Variants in NEGR1 observed in about 807,000 individuals in gnomAD.
NEGR1 encodes the protein IgLON family member 4.
A neutral mutation model predicts 40.9 loss-of-function variants in NEGR1; 10 were observed. The observed-to-expected ratio is 0.24, with a 90% CI of 0.15 to 0.42. NEGR1 has a LOEUF of 0.42. Among genes scored for constraint, NEGR1 ranks in the 10% least tolerant of loss-of-function variants. NEGR1 has a pLI of 1.00. For synonymous variants in NEGR1, 185 were observed against 166.8 expected (o/e 1.11, Z -0.84); for missense variants, 352 against 438.9 (o/e 0.80, Z 1.77).
chr1:71,435,618 T>C (rs1215912085), intron 6 of NEGR1, among the ~76,000 whole-genome samples: 2 of 152,192 alleles, frequency 1.3e-5, no homozygotes, highest in Non-Finnish European at 2.9e-5. Context: ...GCTAACTCCC[T>C]ATTTTGAATG....
intron 3 of NEGR1, among the ~76,000 whole-genome samples, chr1:71,773,319 G>T (rs531643761): frequency 2.4e-4 from 36 of 152,158 alleles, no homozygotes; most frequent in African/African-American, 7.9e-4. Context: ...GTTGACATGA[G>T]GTATATCTAC....
chr1:72,233,744 T>C (rs1654457458), intron 1 of NEGR1, among the ~76,000 whole-genome samples: 1 of 152,124 alleles, frequency 6.6e-6, no homozygotes, highest in Non-Finnish European at 1.5e-5. Context: ...AAATAGCACT[T>C]CAATGACCAT....
chr1:71,851,423 T>C lies in NEGR1; in HGVS notation c.410-75126A>G, dbSNP rs537127623. ...AAAAATGCAAATTTTCTTTTAAAAC[T>C]CATTTAATTTTTAAAATTATTTTTA... is the stretch of plus-strand genomic sequence containing the variant. On this transcript the variant is annotated intron_variant, in intron 2 of 6. Transcript: ENST00000357731. 3.9e-5 allele frequency among the ~76,000 whole-genome samples: 6 copies of C among 152,316 alleles called. No homozygotes were observed. The South Asian group carries it at 1.0e-3, about 26-fold the overall frequency.
intron 1 of NEGR1, chr1:72,100,908 TTC>T (rs1305832505): frequency 2.0e-5 from 3 of 152,180 alleles, no homozygotes; most frequent in Non-Finnish European, 4.4e-5. Flanking sequence ...GATGGCTGCC[TTC>T]TCTCTGTGTC....
At chr1:71,670,799 C>G (rs1228877550) in intron 4 of NEGR1, among the ~76,000 whole-genome samples, 1 of 151,980 alleles carries the variant, frequency 6.6e-6, no homozygotes, top group African/African-American at 2.4e-5. Context: ...ATAGATATGT[C>G]TCTCTGATCA....
At position 72,164,302 on chromosome 1, in the gene NEGR1, A is replaced by T. The variant is rs950940722; in HGVS notation, c.176+118017T>A. On this transcript the variant is annotated intron_variant, in intron 1 of 6. Coordinates refer to ENST00000357731, the MANE Select transcript of NEGR1 (RefSeq NM_173808.3). The stretch of plus-strand genomic sequence containing the variant: ...TTGACTTGAAAACTGTTTTTTTTTT[A>T]AATTTTTATTTATTTATTTATTTTG... Among the ~76,000 whole-genome samples, 175 of 150,906 alleles carry T rather than the reference A, an allele frequency of 1.2e-3. 1 individual carries two copies. Among genetic ancestry groups the T allele is most frequent in the African/African-American group, 2.5e-3 (102 of 41,216 alleles).
intron 6 of NEGR1, among the ~76,000 whole-genome samples, chr1:71,431,230 T>A (rs937468641): frequency 2.0e-5 from 3 of 152,070 alleles, no homozygotes; most frequent in African/African-American, 7.2e-5. Flanking sequence ...GGAAATACCA[T>A]GAAGATATAA....
chr1:71,713,761 C>T (rs1385710909), intron 3 of NEGR1, among the ~76,000 whole-genome samples: 2 of 152,104 alleles, frequency 1.3e-5, no homozygotes, highest in African/African-American at 4.8e-5. Context: ...TCAAGGAACT[C>T]TTTATGGAGA....
intron 1 of NEGR1, among the ~76,000 whole-genome samples, chr1:72,227,451 G>A (rs562714216): frequency 3.3e-5 from 5 of 152,084 alleles, no homozygotes; most frequent in African/African-American, 1.2e-4. Context: ...AAGAGAAGCA[G>A]GGGGAACCAT....
At chr1:71,567,978 ATAAG>A (rs1557570028) in intron 6 of NEGR1, among the ~76,000 whole-genome samples, 5 of 152,316 alleles carry the variant, frequency 3.3e-5, no homozygotes, top group African/African-American at 9.6e-5. Flanking sequence ...CTCCAAAACT[ATAAG>A]AAGTAAATTT....
At chr1:72,132,977 C>T (rs1650314013) in intron 1 of NEGR1, among the ~76,000 whole-genome samples, 1 of 152,034 alleles carries the variant, frequency 6.6e-6, no homozygotes, top group African/African-American at 2.4e-5. Flanking sequence ...GCTAATTTCT[C>T]TTTTAGCTTC....
chr1:71,728,170 G>A (rs1654734091), intron 3 of NEGR1, among the ~76,000 whole-genome samples: 1 of 152,166 alleles, frequency 6.6e-6, no homozygotes, highest in Non-Finnish European at 1.5e-5. Context: ...ACTGACTGAA[G>A]TGGGTTGCTT....
At chr1:71,675,722 C>T (rs1211000211) in intron 4 of NEGR1, among the ~76,000 whole-genome samples, 1 of 151,976 alleles carries the variant, frequency 6.6e-6, no homozygotes, top group Admixed American at 6.6e-5. Flanking sequence ...GAAAAAGAAA[C>T]CAAGTTCTTG....
chr1:72,089,355 G>A (rs1030207457), intron 1 of NEGR1, among the ~76,000 whole-genome samples: 1 of 152,092 alleles, frequency 6.6e-6, no homozygotes, highest in East Asian at 1.9e-4. Context: ...GAGTTAATAC[G>A]TTCAATATGC....
At chr1:71,898,969 A>ATG (rs1661060804) in intron 2 of NEGR1, among the ~76,000 whole-genome samples, 1 of 52,708 alleles carries the variant, frequency 1.9e-5, no homozygotes, top group Admixed American at 1.9e-4. Context: ...TATAGCATAT[A>ATG]TATATATATA....
chr1:71,719,893 C>A (rs1654444552), intron 3 of NEGR1, among the ~76,000 whole-genome samples: 1 of 151,962 alleles, frequency 6.6e-6, no homozygotes, highest in Non-Finnish European at 1.5e-5. Flanking sequence ...ACTTAAGATT[C>A]AAAAATTTCT....
intron 6 of NEGR1, among the ~76,000 whole-genome samples, chr1:71,449,034 T>C (rs1459875653): frequency 6.6e-6 from 1 of 152,186 alleles, no homozygotes; most frequent in Admixed American, 6.5e-5. Flanking sequence ...CTTTCATACT[T>C]TGTGTACAAT....
At chr1:71,446,202 G>A (rs1484594289) in intron 6 of NEGR1, among the ~76,000 whole-genome samples, 6 of 152,026 alleles carry the variant, frequency 3.9e-5, no homozygotes, top group Non-Finnish European at 7.4e-5. Flanking sequence ...CATTTGAGAC[G>A]AACTCATTGG....
rs569601393 is a variant in NEGR1, at chr1:71,992,909, C to T, written c.177-57598G>A. On this transcript the variant is annotated intron_variant, in intron 1 of 6. Transcript: ENST00000357731. ...CTTTTAAAGAATTAACCTTGATAGA[C>T]GTCTCCAATATAAAATAAGGATGAC... is the stretch of plus-strand genomic sequence containing the variant. Among the ~76,000 whole-genome samples the T allele has an allele frequency of 4.6e-5, 7 of 152,224 alleles. No individual in the cohort carries two copies. In the South Asian group the frequency reaches 1.0e-3, roughly 23 times the overall value.
Sources: allele counts gnomAD v4.1 joint callset (sites outside exome capture counted in the v4.1 genomes callset), GRCh38; gene constraint gnomAD v4.1.1; transcripts MANE v1.5; gene names NCBI Gene and HGNC (gene_info 2026-07-23, HGNC 2026-07-21).